DDX52: variants seen among roughly 807,000 people sequenced by gnomAD.
The protein encoded by DDX52 is probable ATP-dependent RNA helicase DDX52.
In DDX52, 59 loss-of-function variants were observed where a neutral mutation model predicts 76.1. That is an observed-to-expected ratio of 0.78 (90% CI 0.63 to 0.96). The LOEUF (loss-of-function observed/expected upper bound fraction) is 0.96. Among genes scored for constraint, DDX52 ranks in the 40% least tolerant of loss-of-function variants. DDX52 has a pLI of 0.00. For missense variants in DDX52, 707 were observed against 703.9 expected, an observed-to-expected ratio of 1.00 and a Z score of -0.05; for synonymous variants, 231 against 244.1, an observed-to-expected ratio of 0.95 and a Z score of 0.50.
intron 8 of DDX52, among the ~76,000 whole-genome samples, chr17:37,624,646 C>T (rs1023576360): frequency 1.3e-5 from 2 of 151,948 alleles, no homozygotes; most frequent in African/African-American, 2.4e-5. Context: ...TCTTGAAATG[C>T]CACCCATTAA....
chr17:37,622,166 AT>A (rs1018717168), intron 9 of DDX52, among the ~76,000 whole-genome samples: 1 of 150,498 alleles, frequency 6.6e-6, no homozygotes. Flanking sequence ...CTAAGTAAAC[AT>A]TTTTTTTTTA....
chr17:37,642,830 A>T (rs1189314725), intron 1 of DDX52: 1 of 162,360 alleles, frequency 6.2e-6, no homozygotes, highest in Non-Finnish European at 1.3e-5. Context: ...CCGATGTATC[A>T]CTCACTACTT....
At chr17:37,624,511 AT>A in intron 8 of DDX52, 77 bp from the exon 9 acceptor site, 1 of 1,065,072 alleles carries the variant, frequency 9.4e-7, no homozygotes, top group African/African-American at 1.6e-5. Context: ...AAATGAAAAA[AT>A]TTACACACAA....
At chr17:37,626,715 C>T (rs1160554881) in intron 7 of DDX52, 73 bp downstream of exon 7, 2 of 1,459,772 alleles carry the variant, frequency 1.4e-6, no homozygotes, top group African/African-American at 2.9e-5. Flanking sequence ...ACAAAAAATA[C>T]AAGCAATAGA....
intron 3 of DDX52, 149 bp from the exon 4 acceptor site, chr17:37,632,447 T>G: frequency 1.3e-6 from 1 of 765,960 alleles, no homozygotes; most frequent in Non-Finnish European, 2.1e-6. Context: ...ATCACAGATA[T>G]TAGGTACATT....
chr17:37,632,405 G>C, intron 3 of DDX52, 107 bp from the exon 4 acceptor site: 1 of 1,281,930 alleles, frequency 7.8e-7, no homozygotes, highest in Non-Finnish European at 1.1e-6. Context: ...AGCAGCATAT[G>C]AAACTTTTTG....
Position 37,624,432 on chromosome 17 carries a change from T to C in DDX52, c.1139A>G (p.Asn380Ser), listed in dbSNP as rs1568601955. The change falls in exon 9 of 15, where the codon AAT (asparagine) becomes AGT (serine). Residue 380 changes from asparagine to serine, a missense_variant and splice_region_variant. Coordinates refer to ENST00000617633, the MANE Select transcript of DDX52 (RefSeq NM_007010.5). The stretch of plus-strand genomic sequence containing the variant: ...TTGTTCTACAGTTTCTACTGCAGAA[T>C]TCCTGGGAAGAAAATATACCTTGTA... Reference protein sequence around the residue: ...NVISVSIGARNSAVETVEQEL... With the variant: ...NVISVSIGARSSAVETVEQEL... 6.2e-7 allele frequency: 1 copy of C among 1,601,152 alleles called. No individual in the cohort carries two copies. The highest frequency in any genetic ancestry group is 8.5e-7 in the Non-Finnish European group (1 of 1,171,978).
intron 2 of DDX52, chr17:37,635,420 G>C: frequency 3.0e-6 from 1 of 335,240 alleles, no homozygotes; most frequent in Non-Finnish European, 5.8e-6. Flanking sequence ...TGCCACTATA[G>C]ACTAGTTTGC....
chr17:37,631,844 T>G lies in DDX52; in HGVS notation c.603+269A>C. On this transcript the variant is annotated intron_variant, in intron 4 of 14. Transcript: ENST00000617633. The stretch of plus-strand genomic sequence containing the variant: ...ATACAAAGTAGTTTAAAATGTAAAA[T>G]AAATGTTGCAAGGAAAAGAACACAC... 4 of 493,226 alleles carry G rather than the reference T, an allele frequency of 8.1e-6. No homozygotes were observed. In the South Asian group the frequency reaches 1.3e-4, roughly 16 times the overall value. The allele number at this position is 493,226 out of a possible 1,614,324, so 30.6% of individuals were successfully genotyped here.
At position 37,630,213 on chromosome 17, in the gene DDX52, C is replaced by T. The variant is rs775186142; in HGVS notation, c.604-40G>A. The T allele has an allele frequency of 6.0e-6, 9 of 1,509,292 alleles. No homozygotes were observed. In the Admixed American group the frequency reaches 1.7e-4, roughly 28 times the overall value. The allele number at this position is 1,509,292 out of a possible 1,614,324, so 93.5% of individuals were successfully genotyped here. A position where few individuals can be genotyped will look rare whatever the true frequency, so the allele number is the denominator to read the frequency against. On this transcript the variant is annotated intron_variant, in intron 4 of 14. Coordinates refer to ENST00000617633, the MANE Select transcript of DDX52 (RefSeq NM_007010.5). Reference sequence around the variant, plus strand: ...TATATTAAATACTACAAAGAAAGTACATAAATTTTTCAGAGCCTGGTCAAA... The same window carrying T: ...TATATTAAATACTACAAAGAAAGTATATAAATTTTTCAGAGCCTGGTCAAA...
chr17:37,632,085 T>A, intron 4 of DDX52, 28 bp downstream of exon 4: 1 of 1,612,166 alleles, frequency 6.2e-7, no homozygotes, highest in Non-Finnish European at 8.5e-7. Context: ...GAAGGAATGT[T>A]ACAGGCATTC....
chr17:37,621,780 TG>T (rs895798534), intron 9 of DDX52, among the ~76,000 whole-genome samples: 5 of 152,234 alleles, frequency 3.3e-5, no homozygotes, highest in African/African-American at 1.2e-4. Flanking sequence ...CACCCCACTA[TG>T]GTAACAGATG....
chr17:37,614,103 G>GA lies in DDX52; in HGVS notation c.*192dup, dbSNP rs1241934732. 8.4e-3 allele frequency: 4,272 copies of GA among 509,814 alleles called. No individual in the cohort carries two copies. Among genetic ancestry groups the GA allele is most frequent in the South Asian group, 0.011 (353 of 33,438 alleles). The allele number at this position is 509,814 out of a possible 1,614,324, so 31.6% of individuals were successfully genotyped here. ...CATGGCAAGACCCTCATCTCTACAGGAAAAAAAAAAGGCACCTACAAATTG... is the reference window on the plus strand; with the variant it reads ...CATGGCAAGACCCTCATCTCTACAGGAAAAAAAAAAAGGCACCTACAAATTG... On this transcript the variant is annotated 3_prime_UTR_variant, in exon 15 of 15. Coordinates refer to ENST00000617633, the MANE Select transcript of DDX52 (RefSeq NM_007010.5).
rs1241887842 is a variant in DDX52 at position 37,621,454 on chromosome 17, G to A, written c.1294C>T (p.Leu432Phe). Residue 432 changes from leucine to phenylalanine, a missense_variant, in exon 10 of 15, where the codon CTC (leucine) becomes TTC (phenylalanine). Physicochemically the swap from Leu to Phe is conservative, Grantham distance 22. Coordinates refer to ENST00000617633, the MANE Select transcript of DDX52 (RefSeq NM_007010.5). ...TCCACATTAATACCTTCATATATGAGCTCATGAAAAAGTTCTTTAGCCCTT... is the reference window on the plus strand; with the variant it reads ...TCCACATTAATACCTTCATATATGAACTCATGAAAAAGTTCTTTAGCCCTT... Reference protein sequence around the residue: ...IERAKELFHELIYEGINVDVI... With the variant: ...IERAKELFHEFIYEGINVDVI... The A allele has an allele frequency of 1.2e-6, 2 of 1,613,764 alleles. No homozygotes were observed. Among genetic ancestry groups the A allele is most frequent in the East Asian group, 2.2e-5 (1 of 44,822 alleles).
intron 14 of DDX52, among the ~76,000 whole-genome samples, chr17:37,617,791 C>T (rs1167411923): frequency 1.3e-5 from 2 of 152,136 alleles, no homozygotes; most frequent in African/African-American, 2.4e-5. Context: ...CGGAAAAAAA[C>T]AGATCATCAA....
In DDX52 at chr17:37,612,074, T is replaced by C. The variant is rs1023866179; in HGVS notation, c.*2222A>G. Reference sequence around the variant, plus strand: ...TATATATAATACATAATATATATAATGTGTGTGTGTGTGTTTATTTTCAAG... The same window carrying C: ...TATATATAATACATAATATATATAACGTGTGTGTGTGTGTTTATTTTCAAG... On this transcript the variant is annotated 3_prime_UTR_variant, in exon 15 of 15. Transcript: ENST00000617633. The C allele has an allele frequency of 2.7e-5, 4 of 146,022 alleles. No homozygotes were observed. Among genetic ancestry groups the C allele is most frequent in the African/African-American group, 5.4e-5 (2 of 37,292 alleles). 9.0% of individuals were successfully genotyped at this position (146,022 alleles called of 1,614,324 possible).
intron 2 of DDX52, chr17:37,639,322 G>T: frequency 1.2e-6 from 1 of 864,914 alleles, no homozygotes; most frequent in Non-Finnish European, 1.4e-6. Flanking sequence ...CTCATACCTT[G>T]CTGGAAGGCA....
chr17:37,641,596 G>A lies in DDX52; in HGVS notation c.286+514C>T, dbSNP rs1027138972. On this transcript the variant is annotated intron_variant, in intron 2 of 14. Transcript: ENST00000617633. ...TACTAAAAATACAAAAATTAGCTAG[G>A]CGTGGTGACACGCACCTGTAGTCCC... Among the ~76,000 whole-genome samples the A allele has an allele frequency of 4.6e-5, 7 of 151,834 alleles. No individual in the cohort carries two copies. The East Asian group carries it at 1.4e-3, about 29-fold the overall frequency.
In DDX52 at chr17:37,626,042, CCA is replaced by C. The variant is rs761337604; in HGVS notation, c.987_988del (p.Gly330ValfsTer29). On this transcript the variant is annotated frameshift_variant, in exon 8 of 15. Coordinates refer to ENST00000617633, the MANE Select transcript of DDX52 (RefSeq NM_007010.5). LOFTEE classifies it high-confidence loss of function. ...AATGGAAGCCAGCTGGTCTCTGAACCCAGTTTTGCCATCTTCAAACAGTTTAT... is the reference window on the plus strand; with the variant it reads ...AATGGAAGCCAGCTGGTCTCTGAACCGTTTTGCCATCTTCAAACAGTTTAT... 167 of 1,613,992 alleles carry C rather than the reference CCA, an allele frequency of 1.0e-4. No individual in the cohort carries two copies. Among genetic ancestry groups the C allele is most frequent in the Non-Finnish European group, 1.3e-4 (157 of 1,180,030 alleles).
Sources: allele counts gnomAD v4.1 joint callset (sites outside exome capture counted in the v4.1 genomes callset), GRCh38; gene constraint gnomAD v4.1.1; transcripts MANE v1.5; gene names NCBI Gene and HGNC (gene_info 2026-07-23, HGNC 2026-07-21).